The following SLC25A16 variants were observed in gnomAD, a reference collection of about 807,000 sequenced individuals.
SLC25A16 encodes mitochondrial coenzyme A transporter SLC25A16.
A neutral mutation model predicts 41.5 loss-of-function variants in SLC25A16; 39 were observed. The ratio of observed to expected loss-of-function variants is 0.94; its 90% CI spans 0.73 to 1.23. SLC25A16 has a LOEUF of 1.23. SLC25A16 is among the 50% of genes most tolerant of loss of function. The probability of loss-of-function intolerance (pLI) is 0.00; values close to 1 mark genes in which losing one functional copy is unlikely to be tolerated. For missense variants in SLC25A16, 421 were observed against 426.9 expected (o/e 0.99, Z 0.12); for synonymous variants, 146 against 147.8 (o/e 0.99, Z 0.09).
rs1382817082 is a variant in SLC25A16 at position 68,527,466 on chromosome 10, C to G, written c.-91G>C. ...GGAACAGGCGGTGACAGGAGGCTGACCGCCCCGCCGGCGGGGCAAAGTAAC... is the reference window on the plus strand; with the variant it reads ...GGAACAGGCGGTGACAGGAGGCTGAGCGCCCCGCCGGCGGGGCAAAGTAAC... On this transcript the variant is annotated 5_prime_UTR_variant, in exon 1 of 9. Transcript: ENST00000609923. The G allele has an allele frequency of 1.5e-6, 2 of 1,293,120 alleles. No homozygotes were observed. The highest frequency in any genetic ancestry group is 2.0e-6 in the Non-Finnish European group (2 of 991,700). 80.1% of individuals were successfully genotyped at this position (1,293,120 alleles called of 1,614,324 possible).
chr10:68,523,763 C>G (rs1234613266), intron 1 of SLC25A16, among the ~76,000 whole-genome samples: 1 of 152,092 alleles, frequency 6.6e-6, no homozygotes, highest in Non-Finnish European at 1.5e-5. Context: ...GTGTGAGACA[C>G]CTCACCTAGC....
At chr10:68,502,753 A>G (rs1284092258) in intron 4 of SLC25A16, among the ~76,000 whole-genome samples, 2 of 77,490 alleles carry the variant, frequency 2.6e-5, no homozygotes, top group Admixed American at 3.4e-4. Context: ...AGGAGAGGAG[A>G]GGAGGGGAGG....
At chr10:68,502,236 A>G (rs1179984686) in intron 4 of SLC25A16, among the ~76,000 whole-genome samples, 1 of 152,018 alleles carries the variant, frequency 6.6e-6, no homozygotes, top group Non-Finnish European at 1.5e-5. Flanking sequence ...AAAGTAAAAC[A>G]TGATTAAATG....
chr10:68,519,521 T>C (rs2053216691), intron 1 of SLC25A16, among the ~76,000 whole-genome samples: 1 of 151,154 alleles, frequency 6.6e-6, no homozygotes, highest in Non-Finnish European at 1.5e-5. Context: ...ATCATAGCTA[T>C]CCAAAATTAT....
At chr10:68,497,243 T>C (rs910816911) in intron 4 of SLC25A16, among the ~76,000 whole-genome samples, 1 of 152,130 alleles carries the variant, frequency 6.6e-6, no homozygotes, top group African/African-American at 2.4e-5. Flanking sequence ...AGATTAAAGT[T>C]TGACAAAAAT....
intron 4 of SLC25A16, among the ~76,000 whole-genome samples, chr10:68,502,734 A>T (rs550794844): frequency 7.6e-6 from 1 of 131,156 alleles, no homozygotes. Flanking sequence ...CCCTGTCTCA[A>T]AAAAGGAGAG....
In SLC25A16 at chr10:68,478,569, G is replaced by A. The variant is rs1395019970; in HGVS notation, c.*4863C>T. On this transcript the variant is annotated 3_prime_UTR_variant, in exon 9 of 9. Transcript: ENST00000609923. The stretch of plus-strand genomic sequence containing the variant: ...ACATTTTATATAAAAAAATGAGACA[G>A]AGTCTTGCAATGTTGCCCAGGCTGG... 6.6e-6 allele frequency: 1 copy of A among 151,832 alleles called. No homozygotes were observed. The highest frequency in any genetic ancestry group is 1.5e-5 in the Non-Finnish European group (1 of 67,962). The allele number at this position is 151,832 out of a possible 1,614,324, so 9.4% of individuals were successfully genotyped here. A position where few individuals can be genotyped will look rare whatever the true frequency, so the allele number is the denominator to read the frequency against.
chr10:68,487,028 C>T (rs2052575993), intron 8 of SLC25A16, 116 bp downstream of exon 8: 2 of 383,478 alleles, frequency 5.2e-6, no homozygotes, highest in South Asian at 2.5e-5. Context: ...CCAAAATAAA[C>T]TTCGGGAGAT....
At position 68,509,206 on chromosome 10, in the gene SLC25A16, G is replaced by A. The variant is rs189575175; in HGVS notation, c.224-2488C>T. ...ACAAAAATTAGATGGAAATGGTGGCGGGTGCCTGTAATCCCAGCTACGAGG... is the reference window on the plus strand; with the variant it reads ...ACAAAAATTAGATGGAAATGGTGGCAGGTGCCTGTAATCCCAGCTACGAGG... On this transcript the variant is annotated intron_variant, in intron 2 of 8. Coordinates refer to ENST00000609923, the MANE Select transcript of SLC25A16 (RefSeq NM_152707.4). 2.8e-4 allele frequency among the ~76,000 whole-genome samples: 42 copies of A among 151,928 alleles called. No homozygotes were observed. In the East Asian group the frequency reaches 7.2e-3, roughly 26 times the overall value.
At chr10:68,517,033 T>C in intron 1 of SLC25A16, 190 bp from the exon 2 acceptor site, 1 of 1,194,592 alleles carries the variant, frequency 8.4e-7, no homozygotes, top group Non-Finnish European at 1.1e-6. Context: ...ATGATTACAC[T>C]GCTAAAACTT....
chr10:68,507,108 T>C (rs1019715094), intron 2 of SLC25A16, among the ~76,000 whole-genome samples: 8 of 144,912 alleles, frequency 5.5e-5, no homozygotes, highest in African/African-American at 1.5e-4. Flanking sequence ...GTTTTACTCA[T>C]GTTGCCCCAG....
At chr10:68,492,674 C>G (rs979069225) in intron 6 of SLC25A16, among the ~76,000 whole-genome samples, 3 of 151,730 alleles carry the variant, frequency 2.0e-5, no homozygotes, top group Non-Finnish European at 4.4e-5. Context: ...AAGAGCGAAA[C>G]TCCGTCTCAA....
At chr10:68,488,674 G>A (rs1222871140) in intron 6 of SLC25A16, 45 bp from the exon 7 acceptor site, 2 of 1,485,270 alleles carry the variant, frequency 1.3e-6, no homozygotes, top group Admixed American at 1.9e-5. Context: ...AACATAACAT[G>A]AGCTGTGAAA....
In SLC25A16 at chr10:68,527,231, G is replaced by C; in HGVS notation, c.130+15C>G. 6.5e-7 allele frequency: 1 copy of C among 1,545,024 alleles called. No homozygotes were observed. Among genetic ancestry groups the C allele is most frequent in the Non-Finnish European group, 8.7e-7 (1 of 1,144,604 alleles). On this transcript the variant is annotated intron_variant, in intron 1 of 8. Coordinates refer to ENST00000609923, the MANE Select transcript of SLC25A16 (RefSeq NM_152707.4). ...CCACTCAGAGCGCGGCTGGCTCTTC[G>C]TGGCATGGACCCACCTCCGGCCAGA...
At position 68,483,478 on chromosome 10, in the gene SLC25A16, G is replaced by C; in HGVS notation, c.953C>G (p.Ala318Gly). Reference protein sequence around the residue: ...YIRCIPSQAVAFTTYELMKQF... With the variant: ...YIRCIPSQAVGFTTYELMKQF... The stretch of plus-strand genomic sequence containing the variant: ...CTTCATAAGTTCGTATGTTGTAAAA[G>C]CCACTGCTTGAGAGGGAATACAGCG... Residue 318 changes from alanine (A) to glycine (G), a missense_variant, in exon 9 of 9, where the codon GCT becomes GGT. Physicochemically the swap from Ala to Gly is moderately conservative, Grantham distance 60. Coordinates refer to ENST00000609923, the MANE Select transcript of SLC25A16 (RefSeq NM_152707.4). The C allele has an allele frequency of 6.2e-7, 1 of 1,610,170 alleles. No homozygotes were observed. The highest frequency in any genetic ancestry group is 8.5e-7 in the Non-Finnish European group (1 of 1,178,796).
intron 1 of SLC25A16, among the ~76,000 whole-genome samples, chr10:68,522,056 G>A (rs954599024): frequency 1.3e-5 from 2 of 151,882 alleles, no homozygotes; most frequent in East Asian, 2.0e-4. Flanking sequence ...CCAGCTAATC[G>A]GGAGGTTGAG....
chr10:68,480,941 A>T lies in SLC25A16; in HGVS notation c.*2491T>A. On this transcript the variant is annotated 3_prime_UTR_variant, in exon 9 of 9. Coordinates refer to ENST00000609923, the MANE Select transcript of SLC25A16 (RefSeq NM_152707.4). ...CTTTTATACAGTCTCTGTATAAAAG[A>T]AATTTTTGTACAGCCTTTTTTTTTC... 6.6e-6 allele frequency: 1 copy of T among 151,602 alleles called. No individual in the cohort carries two copies. Among genetic ancestry groups the T allele is most frequent in the South Asian group, 2.1e-4 (1 of 4,796 alleles). The allele number at this position is 151,602 out of a possible 1,614,324, so 9.4% of individuals were successfully genotyped here.
chr10:68,524,385 T>C (rs1184557210), intron 1 of SLC25A16, among the ~76,000 whole-genome samples: 1 of 125,158 alleles, frequency 8.0e-6, no homozygotes, highest in Non-Finnish European at 1.6e-5. Context: ...CTACTAAAAA[T>C]ACAAAATTAG....
chr10:68,491,203 G>C (rs923532775), intron 6 of SLC25A16, among the ~76,000 whole-genome samples: 1 of 151,072 alleles, frequency 6.6e-6, no homozygotes, highest in African/African-American at 2.4e-5. Flanking sequence ...TTTGCTATTA[G>C]TGCACTGTTT....
Sources: gnomAD v4.1 joint callset for allele counts (sites outside exome capture counted in the v4.1 genomes callset) on GRCh38, gnomAD v4.1.1 for gene constraint, MANE v1.5 for transcripts, NCBI Gene and HGNC (gene_info 2026-07-23, HGNC 2026-07-21) for gene names.